NBEAL1: variants seen among roughly 807,000 people sequenced by gnomAD.
NBEAL1 encodes the protein neurobeachin like 1, also known as neurobeachin-like protein 1.
NBEAL1 carries 273 observed loss-of-function variants against 351.3 expected under a neutral mutation model. The observed-to-expected ratio is 0.78, with a 90% CI of 0.70 to 0.86. The LOEUF is 0.86. Among genes scored for constraint, NBEAL1 ranks in the 40% least tolerant of loss-of-function variants. NBEAL1 has a pLI of 0.00. For missense variants in NBEAL1, 2,961 were observed against 3,201.3 expected (o/e 0.92, Z 1.81); for synonymous variants, 1,050 against 1,086.4 (o/e 0.97, Z 0.66).
chr2:203,081,593 TAAA>T (rs1056962290), intron 8 of NBEAL1, among the ~76,000 whole-genome samples: 1 of 152,220 alleles, frequency 6.6e-6, no homozygotes, highest in Non-Finnish European at 1.5e-5. Context: ...CTTTTCTAAT[TAAA>T]AACAAAGTAA....
chr2:203,050,052 G>C, intron 4 of NBEAL1, 77 bp downstream of exon 4: 1 of 1,364,376 alleles, frequency 7.3e-7, no homozygotes, highest in Non-Finnish European at 1.0e-6. Context: ...AGATGAGGAG[G>C]GGAACATCAC....
chr2:203,085,531 G>A (rs1224997738), intron 10 of NBEAL1: 3 of 152,104 alleles, frequency 2.0e-5, no homozygotes, highest in Non-Finnish European at 4.4e-5. Flanking sequence ...AAGTTTCAGA[G>A]CGAGAGTTTC....
chr2:203,184,163 G>T (rs578075242), intron 44 of NBEAL1, among the ~76,000 whole-genome samples: 6 of 151,768 alleles, frequency 4.0e-5, no homozygotes, highest in African/African-American at 1.4e-4. Context: ...GGGCACAGTG[G>T]CTCACGCCTC....
At chr2:203,147,314 G>A (rs951081656) in intron 33 of NBEAL1, among the ~76,000 whole-genome samples, 1 of 152,082 alleles carries the variant, frequency 6.6e-6, no homozygotes, top group Non-Finnish European at 1.5e-5. Flanking sequence ...GGTTAGCAAG[G>A]CTACAGGACA....
chr2:203,180,933 A>ATTTTTTTTTTTTTTGTTT (rs2064695937), intron 43 of NBEAL1: 1 of 61,698 alleles, frequency 1.6e-5, no homozygotes, highest in Non-Finnish European at 3.0e-5. Context: ...CAGCCAGTCA[A>ATTTTTTTTTTTTTTGTTT]TTTTTTTTTT....
intron 7 of NBEAL1, among the ~76,000 whole-genome samples, chr2:203,070,355 CTCTCT>C (rs1479503893): frequency 3.5e-4 from 47 of 135,350 alleles, no homozygotes; most frequent in Admixed American, 6.3e-4. Context: ...CTCTCTCTCT[CTCTCT>C]TTTTTTTTTT....
At chr2:203,123,944 A>G (rs1049616662) in intron 19 of NBEAL1, among the ~76,000 whole-genome samples, 1 of 151,012 alleles carries the variant, frequency 6.6e-6, no homozygotes, top group African/African-American at 2.4e-5. Context: ...AAAAAGTTAA[A>G]TGACAACTGG....
rs1055751600 is a variant in NBEAL1, at chr2:203,028,299, G to A, written c.51+11864G>A. ...CCCAAAATGGTGGAATTATAGGTGT[G>A]AGCCACTGTGCCTGGCCTGACTTTT... On this transcript the variant is annotated intron_variant, in intron 2 of 55. Transcript: ENST00000683969. Among the ~76,000 whole-genome samples, 7 of 152,006 alleles carry A rather than the reference G, an allele frequency of 4.6e-5. No individual in the cohort carries two copies. In the East Asian group the frequency reaches 9.6e-4, roughly 21 times the overall value.
intron 18 of NBEAL1, among the ~76,000 whole-genome samples, chr2:203,119,973 T>G (rs1465770179): frequency 2.0e-5 from 3 of 152,192 alleles, no homozygotes; most frequent in Non-Finnish European, 4.4e-5. Context: ...TTCATTTGCT[T>G]AAAACTTATT....
At chr2:203,017,997 T>C (rs1327578546) in intron 2 of NBEAL1, among the ~76,000 whole-genome samples, 1 of 152,124 alleles carries the variant, frequency 6.6e-6, no homozygotes, top group Non-Finnish European at 1.5e-5. Flanking sequence ...TTTTCACTTG[T>C]TTTCAAAGAA....
intron 7 of NBEAL1, among the ~76,000 whole-genome samples, chr2:203,075,458 A>G (rs1406046004): frequency 6.6e-6 from 1 of 152,190 alleles, no homozygotes; most frequent in African/African-American, 2.4e-5. Context: ...GAACTCTGTC[A>G]TCTTCTAGCT....
At chr2:203,064,124 G>T (rs1395741384) in intron 6 of NBEAL1, among the ~76,000 whole-genome samples, 2 of 152,074 alleles carry the variant, frequency 1.3e-5, no homozygotes, top group Non-Finnish European at 2.9e-5. Context: ...CGTGATCTTG[G>T]CTCACTGCAA....
At chr2:203,180,307 A>G in intron 42 of NBEAL1, 75 bp from the exon 43 acceptor site, 1 of 1,361,188 alleles carries the variant, frequency 7.3e-7, no homozygotes, top group Non-Finnish European at 1.0e-6. Context: ...CCCTGAAGGG[A>G]GTTTAAAAGT....
chr2:203,065,302 T>C (rs1030930535), intron 6 of NBEAL1, among the ~76,000 whole-genome samples: 3 of 152,160 alleles, frequency 2.0e-5, no homozygotes, highest in African/African-American at 7.2e-5. Flanking sequence ...ACAGTGAACT[T>C]GGGTAAACTC....
chr2:203,040,539 T>C (rs905901544), intron 2 of NBEAL1: 7 of 669,808 alleles, frequency 1.0e-5, no homozygotes, highest in African/African-American at 8.9e-5. Context: ...GATTTCCAAA[T>C]CTGAAGTCTG....
At chr2:203,144,416 C>T (rs2063458517) in intron 31 of NBEAL1, among the ~76,000 whole-genome samples, 184 bp from the exon 32 acceptor site, 1 of 152,128 alleles carries the variant, frequency 6.6e-6, no homozygotes, top group African/African-American at 2.4e-5. Context: ...CTTGTGTCTT[C>T]TGCCAATACC....
At chr2:203,071,975 C>T (rs1005780032) in intron 7 of NBEAL1, among the ~76,000 whole-genome samples, 3 of 152,158 alleles carry the variant, frequency 2.0e-5, no homozygotes, top group African/African-American at 7.2e-5. Context: ...TGCAAGGGCC[C>T]CACACATAAT....
At chr2:203,022,050 C>CA (rs1212450445) in intron 2 of NBEAL1, among the ~76,000 whole-genome samples, 180 of 109,448 alleles carry the variant, frequency 1.6e-3, no homozygotes, top group East Asian at 4.6e-3. Flanking sequence ...GACTCTGTTT[C>CA]AAAAAAAAAA....
In NBEAL1 at chr2:203,041,763, A is replaced by G; in HGVS notation, c.52-2A>G. On this transcript the variant is annotated splice_acceptor_variant, in intron 2 of 55. Transcript: ENST00000683969. LOFTEE classifies it high-confidence loss of function. Reference sequence around the variant, plus strand: ...AATATTATAATGGTTTTGTTATTTCAGAAAGATCCAGATTACCTGAAGCTG... The same window carrying G: ...AATATTATAATGGTTTTGTTATTTCGGAAAGATCCAGATTACCTGAAGCTG... 6.5e-7 allele frequency: 1 copy of G among 1,549,072 alleles called. No individual in the cohort carries two copies. Among genetic ancestry groups the G allele is most frequent in the South Asian group, 1.2e-5 (1 of 84,016 alleles).
Sources: gnomAD v4.1 joint callset for allele counts (sites outside exome capture counted in the v4.1 genomes callset) on GRCh38, gnomAD v4.1.1 for gene constraint, MANE v1.5 for transcripts, NCBI Gene and HGNC (gene_info 2026-07-23, HGNC 2026-07-21) for gene names.